PTPRG: variants seen among roughly 807,000 people sequenced by gnomAD.
PTPRG encodes protein tyrosine phosphatase receptor type G, also known as receptor-type tyrosine-protein phosphatase gamma.
A neutral mutation model predicts 165.3 loss-of-function variants in PTPRG; 102 were observed. That is an observed-to-expected ratio of 0.62 (90% CI 0.53 to 0.73). The LOEUF (loss-of-function observed/expected upper bound fraction) is 0.73, where lower values mean the gene tolerates loss of function less well. PTPRG is among the 30% of genes least tolerant of loss of function. The pLI, the probability that PTPRG is intolerant of heterozygous loss-of-function variation, is 0.00. For missense variants in PTPRG, 1,866 were observed against 1,861.4 expected (o/e 1.00, Z -0.05); for synonymous variants, 675 against 669.5 (o/e 1.01, Z -0.13).
chr3:61,995,682 G>T lies in PTPRG; in HGVS notation c.370+5878G>T, dbSNP rs185267011. Among the ~76,000 whole-genome samples, 109 of 72,790 alleles carry T rather than the reference G, an allele frequency of 1.5e-3. 3 individuals are homozygous for T. Among genetic ancestry groups the T allele is most frequent in the Middle Eastern group, 6.9e-3 (1 of 144 alleles). The allele number at this position is 72,790 out of a possible 152,430, so 47.8% of individuals were successfully genotyped here. A position where few individuals can be genotyped will look rare whatever the true frequency, so the allele number is the denominator to read the frequency against. On this transcript the variant is annotated intron_variant, in intron 3 of 29. Transcript: ENST00000474889. ...AGGCTTTCCGCCTGCCTGCCCGCCC[G>T]CCTTCCTTCCTTCCTTCCTTCCTTC...
At chr3:62,197,709 C>T (rs888129390) in intron 10 of PTPRG, among the ~76,000 whole-genome samples, 1 of 152,148 alleles carries the variant, frequency 6.6e-6, no homozygotes, top group African/African-American at 2.4e-5. Flanking sequence ...TGCAGAACTG[C>T]CTTACCTGAT....
At position 62,240,975 on chromosome 3, in the gene PTPRG, A is replaced by G. The variant is rs1471702017; in HGVS notation, c.2376-2832A>G. On this transcript the variant is annotated intron_variant, in intron 14 of 29. Coordinates refer to ENST00000474889, the MANE Select transcript of PTPRG (RefSeq NM_002841.4). This position sits in a 1 kb window ranked among gnomAD's most constrained non-coding sequence, Gnocchi z 5.1. ...AGGTGCCTTGTGTGTCTTGTTTATCATTGTGCTCCCAGCTCCTCACTGCAG... is the reference window on the plus strand; with the variant it reads ...AGGTGCCTTGTGTGTCTTGTTTATCGTTGTGCTCCCAGCTCCTCACTGCAG... Among the ~76,000 whole-genome samples the G allele has an allele frequency of 6.6e-6, 1 of 152,164 alleles. No homozygotes were observed. The highest frequency in any genetic ancestry group is 1.5e-5 in the Non-Finnish European group (1 of 68,044).
intron 8 of PTPRG, among the ~76,000 whole-genome samples, chr3:62,178,136 A>AGGATGGATGGATGGATGGAT (rs66547961): frequency 1.4e-5 from 2 of 141,536 alleles, no homozygotes; most frequent in East Asian, 2.2e-4. Context: ...AATGGATGGG[A>AGGATGGATGGATGGATGGAT]GGATGGATGG....
rs564761041 is a variant in PTPRG, at chr3:62,166,197, C to CTTT, written c.841-1740_841-1738dup. On this transcript the variant is annotated intron_variant, in intron 7 of 29. Transcript: ENST00000474889. ...TGGCTGCATATTTCAAATTACAGTT[C>CTTT]TTTTTTTTTTTTTTTTTTTTTTTTT... is the stretch of plus-strand genomic sequence containing the variant. Among the ~76,000 whole-genome samples the CTTT allele has an allele frequency of 1.2e-3, 65 of 53,932 alleles. 27 individuals are homozygous for CTTT. The highest frequency in any genetic ancestry group is 2.0e-3 in the Non-Finnish European group (60 of 29,510). 35.4% of individuals were successfully genotyped at this position (53,932 alleles called of 152,430 possible).
intron 2 of PTPRG, among the ~76,000 whole-genome samples, chr3:61,971,059 A>C (rs2040370048): frequency 1.3e-5 from 2 of 152,176 alleles, no homozygotes; most frequent in Middle Eastern, 6.8e-3. Flanking sequence ...GGAGGACTTC[A>C]TGTCTTTTTT....
At chr3:61,850,767 T>C (rs13060436) in intron 2 of PTPRG, among the ~76,000 whole-genome samples, 1 of 152,220 alleles carries the variant, frequency 6.6e-6, no homozygotes, top group Non-Finnish European at 1.5e-5. Flanking sequence ...CTGCAGTTTG[T>C]GGTAGACCCA....
intron 1 of PTPRG, 138 bp downstream of exon 1, chr3:61,562,510 A>G: frequency 1.4e-6 from 1 of 714,172 alleles, no homozygotes. Context: ...CCCGGATAGG[A>G]GAAAAGGATT....
At chr3:61,626,015 T>G (rs1262515662) in intron 1 of PTPRG, among the ~76,000 whole-genome samples, 2 of 113,248 alleles carry the variant, frequency 1.8e-5, no homozygotes, top group Non-Finnish European at 3.6e-5. Context: ...TTGTTTGTTT[T>G]TTTTTTTTGG....
chr3:62,250,653 A>G (rs936425738), intron 15 of PTPRG, among the ~76,000 whole-genome samples: 1 of 152,192 alleles, frequency 6.6e-6, no homozygotes, highest in Admixed American at 6.5e-5. Context: ...CGGCCGATAC[A>G]TAACTGTAGA....
Position 62,229,593 on chromosome 3 carries a change from T to C in PTPRG, c.2289-1632T>C, listed in dbSNP as rs1304049833. Among the ~76,000 whole-genome samples, 5 of 152,218 alleles carry C rather than the reference T, an allele frequency of 3.3e-5. No individual in the cohort carries two copies. The highest frequency in any genetic ancestry group is 5.9e-5 in the Non-Finnish European group (4 of 68,032). ...GTAAATTTTTAAACCAAGCTTACTT[T>C]TCAGGAAAGGGAAGCTCCTTGTATG... On this transcript the variant is annotated intron_variant, in intron 13 of 29. Coordinates refer to ENST00000474889, the MANE Select transcript of PTPRG (RefSeq NM_002841.4). This position sits in a 1 kb window ranked among gnomAD's most constrained non-coding sequence, Gnocchi z 4.6.
chr3:61,681,818 T>C (rs544881557), intron 1 of PTPRG, among the ~76,000 whole-genome samples: 1 of 152,096 alleles, frequency 6.6e-6, no homozygotes, highest in African/African-American at 2.4e-5. Context: ...GGAGGAAAAT[T>C]GAAAAAAGAT....
intron 1 of PTPRG, among the ~76,000 whole-genome samples, chr3:61,562,689 G>T (rs926780022): frequency 7.9e-5 from 12 of 151,934 alleles, no homozygotes; most frequent in African/African-American, 2.7e-4. Context: ...TTGCTGACTC[G>T]TCGCCGATCG....
intron 14 of PTPRG, among the ~76,000 whole-genome samples, chr3:62,236,427 A>T (rs866475925): frequency 2.1e-4 from 32 of 152,344 alleles, no homozygotes; most frequent in Admixed American, 1.2e-3. Flanking sequence ...TGCAGGGTTT[A>T]CTACAACAGA....
intron 2 of PTPRG, among the ~76,000 whole-genome samples, chr3:61,824,982 G>C (rs530703707): frequency 6.6e-6 from 1 of 152,284 alleles, no homozygotes; most frequent in South Asian, 2.1e-4. Context: ...AACTAGGTGT[G>C]GTCTTGAAGC....
intron 1 of PTPRG, among the ~76,000 whole-genome samples, chr3:61,647,513 G>A (rs189965585): frequency 6.6e-5 from 10 of 152,238 alleles, no homozygotes; most frequent in Admixed American, 5.9e-4. Flanking sequence ...TCAATTGGCC[G>A]GGCACAGTGG....
At chr3:61,879,472 AT>A (rs911788281) in intron 2 of PTPRG, among the ~76,000 whole-genome samples, 72 of 151,614 alleles carry the variant, frequency 4.7e-4, no homozygotes, top group African/African-American at 1.5e-3. Flanking sequence ...ATTCTTTTTG[AT>A]TTTTTTTAAA....
At chr3:62,074,674 G>A (rs930148542) in intron 4 of PTPRG, among the ~76,000 whole-genome samples, 8 of 151,972 alleles carry the variant, frequency 5.3e-5, no homozygotes, top group Non-Finnish European at 1.0e-4. Context: ...CGTACACCAC[G>A]TTTCTTCATA....
chr3:61,733,791 A>G (rs2032612098), intron 1 of PTPRG, among the ~76,000 whole-genome samples: 2 of 151,756 alleles, frequency 1.3e-5, no homozygotes, highest in African/African-American at 4.8e-5. Flanking sequence ...TCAACTCTTC[A>G]CTTTTGTTTT....
chr3:61,977,805 C>T (rs1257385699), intron 2 of PTPRG, among the ~76,000 whole-genome samples: 1 of 152,126 alleles, frequency 6.6e-6, no homozygotes, highest in African/African-American at 2.4e-5. Context: ...ATACTGTATG[C>T]ATGTAAAAAG....
Sources: gnomAD v4.1 joint callset for allele counts (sites outside exome capture counted in the v4.1 genomes callset) on GRCh38, gnomAD v4.1.1 for gene constraint, Gnocchi (gnomAD v3.1) non-coding constraint, MANE v1.5 for transcripts, NCBI Gene and HGNC (gene_info 2026-07-23, HGNC 2026-07-21) for gene names.